Variants in UQCC2 observed in about 807,000 individuals in gnomAD.
UQCC2 encodes the protein breast cancer-associated protein SGA-81M.
A neutral mutation model predicts 19.9 loss-of-function variants in UQCC2; 21 were observed. The observed-to-expected ratio is 1.05, with a 90% CI of 0.75 to 1.52. The LOEUF (loss-of-function observed/expected upper bound fraction) is 1.52. UQCC2 is among the 40% of genes most tolerant of loss of function. UQCC2 has a pLI of 0.00. For synonymous variants in UQCC2, 57 were observed against 60.9 expected (o/e 0.94, Z 0.30); for missense variants, 135 against 157.5 (o/e 0.86, Z 0.76).
chr6:33,706,411 A>G (rs4713662), intron 1 of UQCC2, among the ~76,000 whole-genome samples: 63,122 of 151,850 alleles, frequency 0.42, 15,509 homozygotes, highest in East Asian at 0.86. Flanking sequence ...GACCCAGGCC[A>G]GCTGTGGAGA....
chr6:33,701,758 G>A (rs937408607), intron 1 of UQCC2, among the ~76,000 whole-genome samples: 18 of 152,014 alleles, frequency 1.2e-4, no homozygotes, highest in African/African-American at 2.7e-4. Context: ...TTGGAAAGGC[G>A]TGCCTAACAA....
chr6:33,698,349 T>G (rs1765595661), intron 3 of UQCC2: 1 of 152,736 alleles, frequency 6.5e-6, no homozygotes, highest in Admixed American at 6.5e-5. Flanking sequence ...AGCAAATTAC[T>G]TAACCCTCTA....
chr6:33,707,093 G>C (rs971112339), intron 1 of UQCC2, among the ~76,000 whole-genome samples: 8 of 152,194 alleles, frequency 5.3e-5, no homozygotes, highest in African/African-American at 1.9e-4. Context: ...CCTTCAGGTG[G>C]AGCACTGCAG....
At chr6:33,703,347 C>T (rs1463873998) in intron 1 of UQCC2, among the ~76,000 whole-genome samples, 1 of 152,094 alleles carries the variant, frequency 6.6e-6, no homozygotes, top group East Asian at 1.9e-4. Context: ...GTATTTTTAG[C>T]AGAGACAGGC....
intron 1 of UQCC2, among the ~76,000 whole-genome samples, chr6:33,709,755 C>T (rs557231267): frequency 2.2e-4 from 33 of 151,532 alleles, no homozygotes; most frequent in African/African-American, 3.1e-4. Context: ...GGCTCTGTTT[C>T]GGGCTAAGCT....
At chr6:33,700,534 G>T in intron 2 of UQCC2, 21 bp from the exon 3 acceptor site, 1 of 1,613,204 alleles carries the variant, frequency 6.2e-7, no homozygotes, top group Non-Finnish European at 8.5e-7. Flanking sequence ...GGGCAGAAAG[G>T]AAGTGAAGGG....
At chr6:33,709,840 G>A (rs1765745191) in intron 1 of UQCC2, among the ~76,000 whole-genome samples, 1 of 151,874 alleles carries the variant, frequency 6.6e-6, no homozygotes, top group African/African-American at 2.4e-5. Context: ...CAGACTGTGT[G>A]TATATGCATC....
intron 1 of UQCC2, among the ~76,000 whole-genome samples, chr6:33,704,007 C>G (rs1239385968): frequency 1.3e-5 from 2 of 152,206 alleles, no homozygotes; most frequent in Non-Finnish European, 2.9e-5. Context: ...AGCATACTGG[C>G]CAACTTAACC....
intron 1 of UQCC2, 30 bp from the exon 2 acceptor site, chr6:33,701,450 A>T: frequency 6.2e-7 from 1 of 1,608,114 alleles, no homozygotes; most frequent in South Asian, 1.1e-5. Flanking sequence ...AAAGGAGGTG[A>T]GCAAAGGAGT....
At chr6:33,707,282 A>T (rs1221858926) in intron 1 of UQCC2, among the ~76,000 whole-genome samples, 1 of 152,088 alleles carries the variant, frequency 6.6e-6, no homozygotes, top group Non-Finnish European at 1.5e-5. Flanking sequence ...AAATAGGATA[A>T]TCTGTTCTTA....
chr6:33,707,810 G>A (rs1346789203), intron 1 of UQCC2, among the ~76,000 whole-genome samples: 3 of 152,204 alleles, frequency 2.0e-5, no homozygotes, highest in Admixed American at 6.5e-5. Context: ...AGCTCTCAGC[G>A]CTGTAGGAAA....
At chr6:33,704,970 A>G (rs791900) in intron 1 of UQCC2, among the ~76,000 whole-genome samples, 123,094 of 151,838 alleles carry the variant, frequency 0.81, 51,180 homozygotes, top group East Asian at 0.99. Context: ...TGCTGCTCCT[A>G]TAAGAGCAAA....
intron 3 of UQCC2, 83 bp from the exon 4 acceptor site, chr6:33,697,833 C>A (rs978346900): frequency 1.6e-5 from 18 of 1,116,996 alleles, no homozygotes; most frequent in Non-Finnish European, 2.3e-5. Flanking sequence ...GCTTTCCCGA[C>A]ACAAGCATGG....
At chr6:33,706,958 G>C (rs1054035356) in intron 1 of UQCC2, among the ~76,000 whole-genome samples, 2 of 152,334 alleles carry the variant, frequency 1.3e-5, no homozygotes, top group East Asian at 3.9e-4. Context: ...ACACAGGCTG[G>C]GACCAAGGAT....
chr6:33,703,609 T>C (rs1194365515), intron 1 of UQCC2, among the ~76,000 whole-genome samples: 2 of 144,366 alleles, frequency 1.4e-5, no homozygotes, highest in East Asian at 4.2e-4. Flanking sequence ...GGCAAACCAC[T>C]CACTCTTCCC....
intron 1 of UQCC2, among the ~76,000 whole-genome samples, chr6:33,710,810 C>A (rs1765759956): frequency 6.6e-6 from 1 of 152,152 alleles, no homozygotes; most frequent in Non-Finnish European, 1.5e-5. Flanking sequence ...TCAATAAATA[C>A]GAGCTATATG....
chr6:33,699,552 T>A (rs1447500113), intron 3 of UQCC2, among the ~76,000 whole-genome samples: 1 of 152,070 alleles, frequency 6.6e-6, no homozygotes, highest in Admixed American at 6.5e-5. Flanking sequence ...TTAAAAAAAA[T>A]TGCCAATAAA....
chr6:33,698,589 C>T (rs1030285301), intron 3 of UQCC2: 1 of 152,220 alleles, frequency 6.6e-6, no homozygotes, highest in African/African-American at 2.4e-5. Flanking sequence ...ACATACACGT[C>T]CCTACACCCA....
At chr6:33,710,520 T>C (rs961947893) in intron 1 of UQCC2, among the ~76,000 whole-genome samples, 2 of 152,230 alleles carry the variant, frequency 1.3e-5, no homozygotes, top group Non-Finnish European at 2.9e-5. Context: ...CCTCTGGACA[T>C]GTGCAGTGTC....
Sources: allele counts gnomAD v4.1 joint callset (sites outside exome capture counted in the v4.1 genomes callset), GRCh38; gene constraint gnomAD v4.1.1; transcripts MANE v1.5; gene names NCBI Gene and HGNC (gene_info 2026-07-23, HGNC 2026-07-21).